OPCML: variants seen among roughly 807,000 people sequenced by gnomAD.
The protein encoded by OPCML is opioid binding protein/cell adhesion molecule like.
Under a neutral mutation model 37.8 loss-of-function variants are expected in OPCML, and 13 were observed. That is an observed-to-expected ratio of 0.34 (90% CI 0.22 to 0.55). The LOEUF is 0.55. OPCML is among the 20% of genes least tolerant of loss of function. The pLI, the probability that OPCML is intolerant of heterozygous loss-of-function variation, is 0.91. For synonymous variants in OPCML, 176 were observed against 168.8 expected, an observed-to-expected ratio of 1.04 and a Z score of -0.33; for missense variants, 341 against 435.6, an observed-to-expected ratio of 0.78 and a Z score of 1.93.
intron 1 of OPCML, among the ~76,000 whole-genome samples, chr11:133,235,893 T>C (rs1258448120): frequency 6.6e-6 from 1 of 152,172 alleles, no homozygotes; most frequent in Non-Finnish European, 1.5e-5. Flanking sequence ...TTGGACAAGA[T>C]TTGCATGAAA....
At chr11:132,548,114 G>A (rs2096372973) in intron 3 of OPCML, among the ~76,000 whole-genome samples, 1 of 152,158 alleles carries the variant, frequency 6.6e-6, no homozygotes, top group Admixed American at 6.6e-5. Flanking sequence ...TGCCTGTGGA[G>A]ACTCAGAATG....
chr11:133,055,959 G>A (rs947295373), intron 1 of OPCML, among the ~76,000 whole-genome samples: 30 of 151,694 alleles, frequency 2.0e-4, no homozygotes, highest in Admixed American at 3.9e-4. Context: ...ACCCCATGAG[G>A]GAGCCACCTC....
intron 2 of OPCML, among the ~76,000 whole-genome samples, chr11:132,937,238 T>C (rs940371548): frequency 2.6e-5 from 4 of 152,092 alleles, no homozygotes; most frequent in African/African-American, 9.7e-5. Context: ...GCCAGCCACC[T>C]AGTGAGCACA....
At chr11:132,573,926 G>A (rs2096444046) in intron 3 of OPCML, among the ~76,000 whole-genome samples, 1 of 151,834 alleles carries the variant, frequency 6.6e-6, no homozygotes, top group Non-Finnish European at 1.5e-5. Context: ...GGTCTGTTTA[G>A]GCTATTTCTT....
At chr11:133,429,196 T>TCTTG (rs1278355724) in intron 1 of OPCML, among the ~76,000 whole-genome samples, 5 of 152,164 alleles carry the variant, frequency 3.3e-5, no homozygotes. Flanking sequence ...CATCCATATA[T>TCTTG]CTTGGGACAG....
At chr11:133,468,770 C>A (rs1947033275) in intron 1 of OPCML, among the ~76,000 whole-genome samples, 1 of 152,174 alleles carries the variant, frequency 6.6e-6, no homozygotes. Context: ...CTCCCCCAGC[C>A]CCTTTCTCTA....
At chr11:132,944,459 C>T (rs971184708) in intron 1 of OPCML, among the ~76,000 whole-genome samples, 1 of 152,158 alleles carries the variant, frequency 6.6e-6, no homozygotes, top group African/African-American at 2.4e-5. Flanking sequence ...CACCCACCTC[C>T]GAGGACCCAC....
intron 4 of OPCML, among the ~76,000 whole-genome samples, chr11:132,488,248 T>G (rs527889826): frequency 6.6e-6 from 1 of 152,224 alleles, no homozygotes; most frequent in African/African-American, 2.4e-5. Flanking sequence ...AGTAATCAAA[T>G]AACTGAAATA....
At chr11:132,642,445 C>T (rs1247393383) in intron 3 of OPCML, among the ~76,000 whole-genome samples, 1 of 152,180 alleles carries the variant, frequency 6.6e-6, no homozygotes, top group African/African-American at 2.4e-5. Context: ...AACACACACA[C>T]ATGTTCACAT....
At chr11:132,848,935 G>A (rs551043667) in intron 2 of OPCML, among the ~76,000 whole-genome samples, 7 of 152,280 alleles carry the variant, frequency 4.6e-5, no homozygotes, top group Non-Finnish European at 8.8e-5. Flanking sequence ...GTTGCTGGGC[G>A]AAGTTGGTGA....
intron 1 of OPCML, among the ~76,000 whole-genome samples, chr11:133,511,042 ATTGCGATTGGTGTCAAC>A (rs1948146606): frequency 6.6e-6 from 1 of 152,174 alleles, no homozygotes; most frequent in African/African-American, 2.4e-5. Context: ...ATAGAACTCC[ATTGCGATTGGTGTCAAC>A]TTTATCCTTC....
At chr11:133,308,267 G>A (rs1423506279) in intron 1 of OPCML, among the ~76,000 whole-genome samples, 1 of 151,952 alleles carries the variant, frequency 6.6e-6, no homozygotes, top group African/African-American at 2.4e-5. Context: ...GACTCTTAGA[G>A]GAAGGAAAAC....
At chr11:133,389,807 C>T (rs1464265544) in intron 1 of OPCML, among the ~76,000 whole-genome samples, 2 of 152,176 alleles carry the variant, frequency 1.3e-5, no homozygotes, top group East Asian at 3.9e-4. Context: ...GTCTCAGGGA[C>T]TTTCATGGTG....
intron 1 of OPCML, among the ~76,000 whole-genome samples, chr11:133,239,288 G>C (rs1352549243): frequency 1.3e-5 from 2 of 152,224 alleles, no homozygotes; most frequent in Admixed American, 6.5e-5. Context: ...GCCAGCCTTG[G>C]TGGAGGATGC....
intron 2 of OPCML, among the ~76,000 whole-genome samples, chr11:132,710,656 C>A (rs1944222941): frequency 6.7e-6 from 1 of 148,802 alleles, no homozygotes; most frequent in Non-Finnish European, 1.5e-5. Flanking sequence ...ACTTTGAGAC[C>A]AGCTTGGCCA....
intron 1 of OPCML, among the ~76,000 whole-genome samples, chr11:133,032,161 G>A (rs1457072419): frequency 6.6e-6 from 1 of 152,172 alleles, no homozygotes; most frequent in East Asian, 1.9e-4. Context: ...ACTGGGATCT[G>A]GTGGGGCTAG....
rs547072163 is a variant in OPCML at position 132,901,404 on chromosome 11, C to T, written c.146+41522G>A. On this transcript the variant is annotated intron_variant, in intron 2 of 7. Transcript: ENST00000524381. ...TGATTGAGTCCTCAGTTTTCTAAAG[C>T]GTGCAATGGGAAAATAACTGTTTCA... Among the ~76,000 whole-genome samples, 6 of 152,220 alleles carry T rather than the reference C, an allele frequency of 3.9e-5. No homozygotes were observed. In the South Asian group the frequency reaches 1.0e-3, roughly 26 times the overall value.
chr11:132,531,620 T>C (rs982492874), intron 3 of OPCML, among the ~76,000 whole-genome samples: 2 of 152,194 alleles, frequency 1.3e-5, no homozygotes, highest in African/African-American at 4.8e-5. Context: ...CTTATAAATC[T>C]GCCATATTTG....
At chr11:132,723,469 G>T (rs1478257435) in intron 2 of OPCML, among the ~76,000 whole-genome samples, 2 of 152,038 alleles carry the variant, frequency 1.3e-5, no homozygotes, top group Non-Finnish European at 1.5e-5. Flanking sequence ...GCCTCTGAGG[G>T]TGACTGTAAA....
Sources: allele counts gnomAD v4.1 joint callset (sites outside exome capture counted in the v4.1 genomes callset), GRCh38; gene constraint gnomAD v4.1.1; transcripts MANE v1.5; gene names NCBI Gene and HGNC (gene_info 2026-07-23, HGNC 2026-07-21).